MMP25: variants seen among roughly 807,000 people sequenced by gnomAD.
MMP25 encodes the protein matrix metallopeptidase 25.
MMP25 carries 68 observed loss-of-function variants against 62.1 expected under a neutral mutation model. That is an observed-to-expected ratio of 1.10 (90% CI 0.90 to 1.34). The LOEUF (loss-of-function observed/expected upper bound fraction) is 1.34. MMP25 is among the 40% of genes most tolerant of loss of function. MMP25 has a pLI of 0.00. For synonymous variants in MMP25, 407 were observed against 345.6 expected (o/e 1.18, Z -1.97); for missense variants, 942 against 792.5 (o/e 1.19, Z -2.26).
At chr16:3,048,652 T>C (rs1955854995) in intron 2 of MMP25, among the ~76,000 whole-genome samples, 1 of 151,968 alleles carries the variant, frequency 6.6e-6, no homozygotes, top group Admixed American at 6.6e-5. Context: ...ACGCAGAAGC[T>C]TGTGTGCCTG....
chr16:3,058,029 A>G (rs2151164441), intron 7 of MMP25, 152 bp from the exon 8 acceptor site: 7 of 894,858 alleles, frequency 7.8e-6, no homozygotes, highest in Non-Finnish European at 1.2e-5. Flanking sequence ...TAAAAAGGGA[A>G]AAGTCTCAGG....
rs777127183 is a variant in MMP25, at chr16:3,058,200, C to A, written c.1026C>A (p.Leu342=). 3 of 1,613,012 alleles carry A rather than the reference C, an allele frequency of 1.9e-6. No individual in the cohort carries two copies. In the South Asian group the frequency reaches 3.3e-5, roughly 18 times the overall value. ...CTGCAGGCCCCTGGTTCTGGCGCCTCCAGCCCTCCGGACAGCTGGTGTCCC... is the reference window on the plus strand; with the variant it reads ...CTGCAGGCCCCTGGTTCTGGCGCCTACAGCCCTCCGGACAGCTGGTGTCCC... The part of the protein sequence containing the change: ...FFFKGPWFWR[L]QPSGQLVSPR... The change falls in exon 8 of 10, where the codon CTC becomes CTA. Residue 342 remains leucine, a synonymous_variant. Transcript: ENST00000336577.
At position 3,059,219 on chromosome 16, in the gene MMP25, G is replaced by C; in HGVS notation, c.*121G>C. On this transcript the variant is annotated 3_prime_UTR_variant, in exon 10 of 10. Coordinates refer to ENST00000336577, the MANE Select transcript of MMP25 (RefSeq NM_022468.5). ...GTCTGTTCCCACGGACGGGGGCTCG[G>C]GCGCGGACTAAGCAGGGGGGATCTC... 6.5e-6 allele frequency: 8 copies of C among 1,239,432 alleles called. No individual in the cohort carries two copies. Among genetic ancestry groups the C allele is most frequent in the Non-Finnish European group, 8.6e-6 (8 of 932,572 alleles). The allele number at this position is 1,239,432 out of a possible 1,614,324, so 76.8% of individuals were successfully genotyped here.
Position 3,046,865 on chromosome 16 carries a change from G to GGC in MMP25, c.-53_-52insGC. ...TCTCCTCCCCCAGGTCCCCGGGGCG[G>GGC]CCCCAGCCAGGCCCCCTTCGAACCC... On this transcript the variant is annotated 5_prime_UTR_variant, in exon 1 of 10. Transcript: ENST00000336577. 9.1e-7 allele frequency: 1 copy of GGC among 1,095,288 alleles called. No individual in the cohort carries two copies. The highest frequency in any genetic ancestry group is 1.2e-6 in the Non-Finnish European group (1 of 826,924). 67.8% of individuals were successfully genotyped at this position (1,095,288 alleles called of 1,614,324 possible). A position where few individuals can be genotyped will look rare whatever the true frequency, so the allele number is the denominator to read the frequency against.
At position 3,058,408 on chromosome 16, in the gene MMP25, GCAGGGCCCCAGTTCTGGGTGTT is replaced by G; in HGVS notation, c.1160-2_1179del. ...CCCCTGACCTCCCGGCCTCCACCCT[GCAGGGCCCCAGTTCTGGGTGTT>G]CCAGGACCGGCAGCTGGAGGGCGGG... On this transcript the variant is annotated splice_acceptor_variant and splice_polypyrimidine_tract_variant and coding_sequence_variant and intron_variant, in exon 9 of 10. Coordinates refer to ENST00000336577, the MANE Select transcript of MMP25 (RefSeq NM_022468.5). LOFTEE classifies it high-confidence loss of function. The G allele has an allele frequency of 6.5e-7, 1 of 1,543,354 alleles. No individual in the cohort carries two copies. The highest frequency in any genetic ancestry group is 1.2e-5 in the South Asian group (1 of 82,912).
intron 2 of MMP25, among the ~76,000 whole-genome samples, chr16:3,047,839 T>G (rs901837776): frequency 3.8e-5 from 1 of 26,426 alleles, no homozygotes; most frequent in African/African-American, 1.1e-4. Flanking sequence ...TCTCCAAGGA[T>G]TTTTTTTTTT....
At chr16:3,047,689 C>A (rs1007384292) in intron 2 of MMP25, 142 bp downstream of exon 2, 2 of 898,976 alleles carry the variant, frequency 2.2e-6, no homozygotes, top group South Asian at 1.8e-5. Flanking sequence ...GGGCCTCAGG[C>A]GTTCATCTTT....
In MMP25 at chr16:3,058,358, C is replaced by T. The variant is rs771769544; in HGVS notation, c.1159+25C>T. The T allele has an allele frequency of 8.0e-6, 12 of 1,505,354 alleles. No individual in the cohort carries two copies. In the East Asian group the frequency reaches 2.0e-4, roughly 26 times the overall value. 93.2% of individuals were successfully genotyped at this position (1,505,354 alleles called of 1,614,324 possible). ...GGTGAGTGGGGCCGGCGGCGGGGCG[C>T]GCTGGGGCCGGCGCGGGGAGCCCAC... On this transcript the variant is annotated intron_variant, in intron 8 of 9. Transcript: ENST00000336577.
chr16:3,057,508 C>T (rs1247945657), intron 6 of MMP25, 23 bp from the exon 7 acceptor site: 1 of 1,610,208 alleles, frequency 6.2e-7, no homozygotes, highest in Non-Finnish European at 8.5e-7. Context: ...CCCCTCTCTA[C>T]TCACCTCTCC....
rs868080238 is a variant in MMP25 at position 3,046,660 on chromosome 16, G to A, written c.-258G>A. 1.3e-5 allele frequency: 3 copies of A among 223,196 alleles called. No individual in the cohort carries two copies. Among genetic ancestry groups the A allele is most frequent in the Non-Finnish European group, 2.6e-5 (3 of 116,764 alleles). The allele number at this position is 223,196 out of a possible 1,614,324, so 13.8% of individuals were successfully genotyped here. ...GCACATCCAGACCTCCGCCGCTCCC[G>A]CGCCCTCTCAACCATCCTGGGATTC... is the stretch of plus-strand genomic sequence containing the variant. On this transcript the variant is annotated 5_prime_UTR_variant, in exon 1 of 10. Transcript: ENST00000336577.
chr16:3,046,902 C>T lies in MMP25; in HGVS notation c.-16C>T. 1.4e-6 allele frequency: 2 copies of T among 1,391,516 alleles called. No individual in the cohort carries two copies. Among genetic ancestry groups the T allele is most frequent in the African/African-American group, 1.5e-5 (1 of 65,738 alleles). 86.2% of individuals were successfully genotyped at this position (1,391,516 alleles called of 1,614,324 possible). ...CCCCCTTCGAACCCCGCCGGCGGCCCGGGCTGGGGCGCACCATGCGGCTGC... is the reference window on the plus strand; with the variant it reads ...CCCCCTTCGAACCCCGCCGGCGGCCTGGGCTGGGGCGCACCATGCGGCTGC... On this transcript the variant is annotated 5_prime_UTR_variant, in exon 1 of 10. Coordinates refer to ENST00000336577, the MANE Select transcript of MMP25 (RefSeq NM_022468.5).
At position 3,046,918 on chromosome 16, in the gene MMP25, A is replaced by ATGCGGC. The variant is rs1955828464; in HGVS notation, c.9_14dup (p.Arg6_Leu7dup). ...CCGGCGGCCCGGGCTGGGGCGCACC[A>ATGCGGC]TGCGGCTGCGGCTCCGGCTTCTGGC... is the stretch of plus-strand genomic sequence containing the variant. On this transcript the variant is annotated inframe_insertion, in exon 1 of 10. Coordinates refer to ENST00000336577, the MANE Select transcript of MMP25 (RefSeq NM_022468.5). 4 of 1,437,128 alleles carry ATGCGGC rather than the reference A, an allele frequency of 2.8e-6. No individual in the cohort carries two copies. Among genetic ancestry groups the ATGCGGC allele is most frequent in the Non-Finnish European group, 3.6e-6 (4 of 1,101,934 alleles). The allele number at this position is 1,437,128 out of a possible 1,614,324, so 89.0% of individuals were successfully genotyped here.
chr16:3,058,747 A>T, intron 9 of MMP25, 78 bp downstream of exon 9: 1 of 1,492,160 alleles, frequency 6.7e-7, no homozygotes, highest in Non-Finnish European at 9.0e-7. Context: ...CATGGAGGCC[A>T]CCCTGCGGGG....
intron 4 of MMP25, among the ~76,000 whole-genome samples, chr16:3,056,622 C>T (rs1030728026): frequency 1.8e-4 from 27 of 152,068 alleles, no homozygotes; most frequent in African/African-American, 6.5e-4. Context: ...CTTATGTTGT[C>T]CAGGCCAGTC....
rs1955889417 is a variant in MMP25 at position 3,050,599 on chromosome 16, T to C, written c.661+53T>C. 2.0e-6 allele frequency: 3 copies of C among 1,472,262 alleles called. No individual in the cohort carries two copies. The South Asian group carries it at 4.1e-5, about 20-fold the overall frequency. 91.2% of individuals were successfully genotyped at this position (1,472,262 alleles called of 1,614,324 possible). A position where few individuals can be genotyped will look rare whatever the true frequency, so the allele number is the denominator to read the frequency against. On this transcript the variant is annotated intron_variant, in intron 4 of 9. Transcript: ENST00000336577. ...CTCTTGCCAGGTCTGGTCTTAAGAATAAGTTTTCTGTTGTGTGTTTTGTTT... is the reference window on the plus strand; with the variant it reads ...CTCTTGCCAGGTCTGGTCTTAAGAACAAGTTTTCTGTTGTGTGTTTTGTTT...
chr16:3,047,764 A>C (rs1227795782), intron 2 of MMP25, among the ~76,000 whole-genome samples: 1 of 151,490 alleles, frequency 6.6e-6, no homozygotes, highest in Non-Finnish European at 1.5e-5. Flanking sequence ...GGAGGCGGAG[A>C]CTCAAGGATT....
rs763388100 is a variant in MMP25, at chr16:3,058,709, G to C, written c.1417+40G>C. The C allele has an allele frequency of 2.6e-6, 4 of 1,565,374 alleles. No homozygotes were observed. In the South Asian group the frequency reaches 3.6e-5, roughly 14 times the overall value. ...GACCTGCGGGTTACTGGGCCTGGGGGTGGGGAGAGGGATGTGGGGAATGGG... is the reference window on the plus strand; with the variant it reads ...GACCTGCGGGTTACTGGGCCTGGGGCTGGGGAGAGGGATGTGGGGAATGGG... On this transcript the variant is annotated intron_variant, in intron 9 of 9. Transcript: ENST00000336577.
intron 4 of MMP25, chr16:3,053,942 G>A (rs1436237617): frequency 6.6e-6 from 1 of 151,830 alleles, no homozygotes; most frequent in African/African-American, 2.4e-5. Context: ...ATTGAGTTGA[G>A]ACCACTGGCT....
At position 3,057,319 on chromosome 16, in the gene MMP25, C is replaced by G. The variant is rs1229590714; in HGVS notation, c.848C>G (p.Pro283Arg). Residue 283 changes from proline (P) to arginine (R), a missense_variant, in exon 6 of 10, where the codon CCC (proline) becomes CGC (arginine). Coordinates refer to ENST00000336577, the MANE Select transcript of MMP25 (RefSeq NM_022468.5). ...DGLQQLYGKA[P>R]QTPYDKPTRK... is the part of the protein sequence containing the mutation. The stretch of plus-strand genomic sequence containing the variant: ...GACTCTTTCCTCACAGGGAAGGCGC[C>G]CCAAACCCCATATGACAAGCCCACA... 1.9e-6 allele frequency: 3 copies of G among 1,614,096 alleles called. No homozygotes were observed. The highest frequency in any genetic ancestry group is 3.3e-4 in the Middle Eastern group (2 of 6,062).
Sources: allele counts gnomAD v4.1 joint callset (sites outside exome capture counted in the v4.1 genomes callset), GRCh38; gene constraint gnomAD v4.1.1; transcripts MANE v1.5; gene names NCBI Gene and HGNC (gene_info 2026-07-23, HGNC 2026-07-21).